SLC44A4: variants seen among roughly 807,000 people sequenced by gnomAD.
The protein encoded by SLC44A4 is solute carrier family 44 member 4, also known as choline transporter-like protein 4.
SLC44A4 carries 74 observed loss-of-function variants against 97.0 expected under a neutral mutation model. The ratio of observed to expected loss-of-function variants is 0.76; its 90% CI spans 0.63 to 0.93. The LOEUF is 0.93. Ranked by LOEUF, SLC44A4 falls within the 40% of genes least tolerant of loss-of-function variation. The pLI, the probability that SLC44A4 is intolerant of heterozygous loss-of-function variation, is 0.00. For missense variants in SLC44A4, 799 were observed against 902.9 expected (o/e 0.88, Z 1.48); for synonymous variants, 325 against 363.8 (o/e 0.89, Z 1.21).
chr6:31,874,978 C>T lies in SLC44A4; in HGVS notation c.293G>A (p.Ser98Asn). ...YFNIFSCILS[S>N]NIISVAENGL... is the part of the protein sequence containing the mutation. ...GTTCTCAGCAACTGAGATGATGTTG[C>T]TGGACAGGATGCAGCTGAAGATGTT... is the stretch of plus-strand genomic sequence containing the variant. Residue 98 changes from serine to asparagine, a missense_variant, in exon 5 of 21, where the codon AGC becomes AAC. Physicochemically the swap from Ser to Asn is conservative, Grantham distance 46 (BLOSUM62 1). Transcript: ENST00000229729. The surrounding 1 kb of genome is among the most constrained non-coding windows in gnomAD (Gnocchi z 4.8). The T allele has an allele frequency of 6.2e-7, 1 of 1,613,414 alleles. No homozygotes were observed. Among genetic ancestry groups the T allele is most frequent in the Non-Finnish European group, 8.5e-7 (1 of 1,180,002 alleles).
At chr6:31,868,834 G>A (rs1459412673) in intron 13 of SLC44A4, among the ~76,000 whole-genome samples, 1 of 135,212 alleles carries the variant, frequency 7.4e-6, no homozygotes, top group Non-Finnish European at 1.7e-5. Context: ...CAAACAAACA[G>A]GAGTAGGCTG....
In SLC44A4 at chr6:31,865,533, A is replaced by C. The variant is rs1268028603; in HGVS notation, c.1651T>G (p.Phe551Val). Residue 551 changes from phenylalanine to valine, a missense_variant, in exon 16 of 21, where the codon TTT (phenylalanine) becomes GTT (valine). By Grantham distance (50) the Phe-to-Val change is conservative (BLOSUM62 -1). Around this residue, in one of 3 missense-constraint regions of SLC44A4, gnomAD observed 379 missense variants for 438.3 expected, o/e 0.86. Coordinates refer to ENST00000229729, the MANE Select transcript of SLC44A4 (RefSeq NM_025257.3). The surrounding 1 kb of genome is among the most constrained non-coding windows in gnomAD (Gnocchi z 5.2). ...FKCCLWCLEK[F>V]IKFLNRNAYI... ...GCATTGCGGTTTAGGAACTTGATAA[A>C]TTTTTCCAGACACCAGAGGCAGCAC... 2 of 1,599,656 alleles carry C rather than the reference A, an allele frequency of 1.3e-6. No individual in the cohort carries two copies.
chr6:31,874,112 C>CA lies in SLC44A4; in HGVS notation c.529+347dup, dbSNP rs112713489. ...CCTGGGCAACAGAGGAAGACTCCGT[C>CA]AAAAAAAAAAAAATGTGTGTGTAGA... On this transcript the variant is annotated intron_variant, in intron 7 of 20. Transcript: ENST00000229729. The surrounding 1 kb of genome is among the most constrained non-coding windows in gnomAD (Gnocchi z 4.8). 1.5e-4 allele frequency among the ~76,000 whole-genome samples: 22 copies of CA among 143,524 alleles called. No individual in the cohort carries two copies. Among genetic ancestry groups the CA allele is most frequent in the Non-Finnish European group, 2.9e-4 (19 of 65,050 alleles). 94.2% of individuals were successfully genotyped at this position (143,524 alleles called of 152,430 possible).
intron 12 of SLC44A4, 138 bp from the exon 13 acceptor site, chr6:31,869,395 A>T: frequency 5.3e-6 from 5 of 939,664 alleles, no homozygotes; most frequent in Non-Finnish European, 6.5e-6. Flanking sequence ...GCACCCTTTC[A>T]ACTCTGTTCA....
rs1762660007 is a variant in SLC44A4, at chr6:31,863,460, A to T, written c.*167T>A. 2 of 942,850 alleles carry T rather than the reference A, an allele frequency of 2.1e-6. No homozygotes were observed. The highest frequency in any genetic ancestry group is 1.7e-5 in the African/African-American group (1 of 57,890). 58.4% of individuals were successfully genotyped at this position (942,850 alleles called of 1,614,324 possible). A position where few individuals can be genotyped will look rare whatever the true frequency, so the allele number is the denominator to read the frequency against. ...CAGGCTGGTCTCGAACTCCTGACTC[A>T]GGTGATCCGCCCGCCTCAGCCTCTC... On this transcript the variant is annotated 3_prime_UTR_variant, in exon 21 of 21. Transcript: ENST00000229729.
In SLC44A4 at chr6:31,871,377, T is replaced by C. The variant is rs761629557; in HGVS notation, c.638A>G (p.Asn213Ser). The C allele has an allele frequency of 6.2e-7, 1 of 1,614,122 alleles. No individual in the cohort carries two copies. Among genetic ancestry groups the C allele is most frequent in the Non-Finnish European group, 8.5e-7 (1 of 1,180,004 alleles). Residue 213 changes from asparagine to serine, a missense_variant, in exon 9 of 21, where the codon AAT becomes AGT. Coordinates refer to ENST00000229729, the MANE Select transcript of SLC44A4 (RefSeq NM_025257.3). ...GATCTTAACACTGATGTCTCGGGCA[T>C]TGAGGCTGTCAATAAGACCGCTGTT... is the stretch of plus-strand genomic sequence containing the variant. The part of the protein sequence containing the change: ...QGISGLIDSL[N>S]ARDISVKIFE...
rs1237175542 is a variant in SLC44A4 at position 31,863,709 on chromosome 6, G to GGCCGGTCCAGGGAGCCGTTGT, written c.2030_2050dup (p.Arg683_Pro684insHisAsnGlySerLeuAspArg). On this transcript the variant is annotated inframe_insertion, in exon 21 of 21. Transcript: ENST00000229729. Reference sequence around the variant, plus strand: ...TAGAAGGCTCTTGGACATGTAGTAGGGCCGGTCCAGGGAGCCGTTGTTCCG... The same window carrying GGCCGGTCCAGGGAGCCGTTGT: ...TAGAAGGCTCTTGGACATGTAGTAGGGCCGGTCCAGGGAGCCGTTGTGCCGGTCCAGGGAGCCGTTGTTCCG... 4.1e-5 allele frequency: 66 copies of GGCCGGTCCAGGGAGCCGTTGT among 1,612,600 alleles called. No homozygotes were observed. Among genetic ancestry groups the GGCCGGTCCAGGGAGCCGTTGT allele is most frequent in the Middle Eastern group, 1.6e-4 (1 of 6,084 alleles).
In SLC44A4 at chr6:31,878,988, T is replaced by C; in HGVS notation, c.-8A>G. On this transcript the variant is annotated 5_prime_UTR_variant, in exon 1 of 21. Transcript: ENST00000229729. The surrounding 1 kb of genome is among the most constrained non-coding windows in gnomAD (Gnocchi z 4.0). ...CCGCTGCTTTCCCCCCATGGCTCAG[T>C]CTCCGGAGTGATTGGAGCCCTGGAG... The C allele has an allele frequency of 6.2e-7, 1 of 1,613,182 alleles. No individual in the cohort carries two copies. Among genetic ancestry groups the C allele is most frequent in the Non-Finnish European group, 8.5e-7 (1 of 1,179,846 alleles).
At chr6:31,875,163 G>A in intron 4 of SLC44A4, 135 bp from the exon 5 acceptor site, 2 of 655,734 alleles carry the variant, frequency 3.1e-6, no homozygotes, top group South Asian at 1.8e-5. Context: ...CCCAGCTCCT[G>A]GCCCTAGCTC....
rs1464011689 is a variant in SLC44A4 at position 31,878,459 on chromosome 6, C to A, written c.40+482G>T. Among the ~76,000 whole-genome samples, 1 of 152,074 alleles carries A rather than the reference C, an allele frequency of 6.6e-6. No homozygotes were observed. The highest frequency in any genetic ancestry group is 1.5e-5 in the Non-Finnish European group (1 of 67,992). ...TCACTCCTCAAGGGAGCCGGCAGAC[C>A]ACAAGCAGCTTTCGCCCTCAGAGAC... is the stretch of plus-strand genomic sequence containing the variant. On this transcript the variant is annotated intron_variant, in intron 1 of 20. Coordinates refer to ENST00000229729, the MANE Select transcript of SLC44A4 (RefSeq NM_025257.3). The surrounding 1 kb of genome is among the most constrained non-coding windows in gnomAD (Gnocchi z 4.0).
rs760696604 is a variant in SLC44A4, at chr6:31,870,942, C to T, written c.807G>A (p.Leu269=). Residue 269 remains leucine, a synonymous_variant, in exon 10 of 21, where the codon CTG becomes CTA. Transcript: ENST00000229729. ...CCCAGCAGTAGTAGATGCCGTATGC[C>T]AGCACGCCCAGCACTCCCAGGATCA... ...LVLILGVLGV[L]AYGIYYCWEE... 66 of 1,612,880 alleles carry T rather than the reference C, an allele frequency of 4.1e-5. No individual in the cohort carries two copies. The highest frequency in any genetic ancestry group is 6.7e-5 in the African/African-American group (5 of 74,894).
intron 9 of SLC44A4, 65 bp downstream of exon 9, chr6:31,871,249 G>A (rs1391941055): frequency 6.0e-6 from 9 of 1,493,388 alleles, no homozygotes; most frequent in Non-Finnish European, 7.5e-6. Context: ...GACATTGGGC[G>A]AGGGGGTAGA....
intron 12 of SLC44A4, 58 bp downstream of exon 12, chr6:31,869,485 CTT>C (rs1763031632): frequency 7.0e-7 from 1 of 1,427,452 alleles, no homozygotes; most frequent in East Asian, 2.4e-5. Context: ...GCAAGTATTG[CTT>C]TGTTTTCCAT....
intron 4 of SLC44A4, 98 bp from the exon 5 acceptor site, chr6:31,875,126 GC>G: frequency 1.1e-6 from 1 of 882,640 alleles, no homozygotes; most frequent in Non-Finnish European, 1.8e-6. Context: ...AGTGGGCCCA[GC>G]CCAGCGTGGC....
chr6:31,878,800 T>A lies in SLC44A4; in HGVS notation c.40+141A>T. ...CCAGGACCCTGACTCCCTCCCTCCA[T>A]GGCTCCCGGTTCCCGGGCCCTCCCC... On this transcript the variant is annotated intron_variant, in intron 1 of 20. Transcript: ENST00000229729. This position sits in a 1 kb window ranked among gnomAD's most constrained non-coding sequence, Gnocchi z 4.0. The A allele has an allele frequency of 9.8e-7, 1 of 1,022,458 alleles. No individual in the cohort carries two copies. Among genetic ancestry groups the A allele is most frequent in the Admixed American group, 1.8e-5 (1 of 56,016 alleles). 63.3% of individuals were successfully genotyped at this position (1,022,458 alleles called of 1,614,324 possible).
At chr6:31,869,703 C>A in intron 11 of SLC44A4, 66 bp from the exon 12 acceptor site, 1 of 1,341,966 alleles carries the variant, frequency 7.5e-7, no homozygotes, top group East Asian at 2.5e-5. Flanking sequence ...GGGCTGACCC[C>A]GGCCGGGCGC....
At position 31,876,340 on chromosome 6, in the gene SLC44A4, C is replaced by T. The variant is rs1032478107; in HGVS notation, c.90-211G>A. Among the ~76,000 whole-genome samples the T allele has an allele frequency of 6.6e-6, 1 of 152,200 alleles. No individual in the cohort carries two copies. Among genetic ancestry groups the T allele is most frequent in the Non-Finnish European group, 1.5e-5 (1 of 68,030 alleles). On this transcript the variant is annotated intron_variant, in intron 2 of 20. Coordinates refer to ENST00000229729, the MANE Select transcript of SLC44A4 (RefSeq NM_025257.3). The surrounding 1 kb of genome is among the most constrained non-coding windows in gnomAD (Gnocchi z 4.8). ...CTGGAGTGCAGTGGTGCAATCTTGGCTCACTGCAGCCTCTGCCTCCTGGGT... is the reference window on the plus strand; with the variant it reads ...CTGGAGTGCAGTGGTGCAATCTTGGTTCACTGCAGCCTCTGCCTCCTGGGT...
Position 31,874,613 on chromosome 6 carries a change from C to T in SLC44A4, c.469-93G>A. The T allele has an allele frequency of 6.4e-7, 1 of 1,568,688 alleles. No individual in the cohort carries two copies. The highest frequency in any genetic ancestry group is 1.2e-5 in the South Asian group (1 of 82,292). ...CCACCATGGGGCTCAGCCTGTCCCA[C>T]ACTCCCCAGGAGAGCCAACCTGGTG... On this transcript the variant is annotated intron_variant, in intron 6 of 20. Coordinates refer to ENST00000229729, the MANE Select transcript of SLC44A4 (RefSeq NM_025257.3). The surrounding 1 kb of genome is among the most constrained non-coding windows in gnomAD (Gnocchi z 4.8).
At position 31,874,848 on chromosome 6, in the gene SLC44A4, T is replaced by C. The variant is rs778581296; in HGVS notation, c.343-2A>G. 4 of 1,612,448 alleles carry C rather than the reference T, an allele frequency of 2.5e-6. No homozygotes were observed. The highest frequency in any genetic ancestry group is 3.4e-6 in the Non-Finnish European group (4 of 1,179,238). On this transcript the variant is annotated splice_acceptor_variant, in intron 5 of 20. Transcript: ENST00000229729. LOFTEE classifies it high-confidence loss of function. This position sits in a 1 kb window ranked among gnomAD's most constrained non-coding sequence, Gnocchi z 4.8. ...CTCCGGGCAGGAGGACACACACACC[T>C]GGGTGCAGAGAGAACACTAAGGGGC...
Sources: allele counts gnomAD v4.1 joint callset (sites outside exome capture counted in the v4.1 genomes callset), GRCh38; gene constraint gnomAD v4.1.1; regional missense constraint gnomAD v4.1.1; non-coding constraint Gnocchi (gnomAD v3.1); transcripts MANE v1.5; gene names NCBI Gene and HGNC (gene_info 2026-07-23, HGNC 2026-07-21).